EPHB1: variants seen among roughly 807,000 people sequenced by gnomAD.
The protein encoded by EPHB1 is EPH receptor B1, also known as ephrin type-B receptor 1.
In EPHB1, 30 loss-of-function variants were observed where a neutral mutation model predicts 94.4. That is an observed-to-expected ratio of 0.32 (90% CI 0.24 to 0.43). EPHB1 has a LOEUF of 0.43. Ranked by LOEUF, EPHB1 falls within the 20% of genes least tolerant of loss-of-function variation. The pLI, the probability that EPHB1 is intolerant of heterozygous loss-of-function variation, is 1.00. For synonymous variants in EPHB1, 522 were observed against 489.1 expected, an observed-to-expected ratio of 1.07 and a Z score of -0.89; for missense variants, 1,055 against 1,308.3, an observed-to-expected ratio of 0.81 and a Z score of 2.99.
chr3:135,030,653 C>T (rs555188368), intron 3 of EPHB1, among the ~76,000 whole-genome samples: 49 of 152,304 alleles, frequency 3.2e-4, no homozygotes, highest in Non-Finnish European at 5.3e-4. Context: ...CATTTAAGTC[C>T]GCAGAGGTTA....
chr3:134,994,741 G>A (rs1559786889), intron 3 of EPHB1, among the ~76,000 whole-genome samples: 1 of 152,056 alleles, frequency 6.6e-6, no homozygotes, highest in South Asian at 2.1e-4. Context: ...CTATATCTAA[G>A]CACTTTCTTT....
intron 12 of EPHB1, among the ~76,000 whole-genome samples, chr3:135,215,201 T>C (rs1429547675): frequency 1.3e-5 from 2 of 152,060 alleles, no homozygotes; most frequent in African/African-American, 4.8e-5. Flanking sequence ...TTTGCTCTTG[T>C]TGCCCAGGCT....
intron 11 of EPHB1, among the ~76,000 whole-genome samples, chr3:135,199,351 C>T (rs114032634): frequency 2.6e-4 from 39 of 152,304 alleles, no homozygotes; most frequent in African/African-American, 8.7e-4. Flanking sequence ...GTGCTAGCAA[C>T]AGCCTGCCTA....
intron 4 of EPHB1, among the ~76,000 whole-genome samples, chr3:135,115,571 A>ATT: frequency 6.7e-6 from 1 of 149,638 alleles, no homozygotes; most frequent in African/African-American, 2.5e-5. Flanking sequence ...TGCTGATTTG[A>ATT]TTTTTTTTTT....
chr3:134,983,692 A>G (rs1002387656), intron 3 of EPHB1, among the ~76,000 whole-genome samples: 1 of 152,214 alleles, frequency 6.6e-6, no homozygotes, highest in Non-Finnish European at 1.5e-5. Flanking sequence ...GGACCTCCAT[A>G]TCAGGACCTG....
rs146429528 is a variant in EPHB1 at position 134,808,872 on chromosome 3, A to G, written c.58+13183A>G. On this transcript the variant is annotated intron_variant, in intron 1 of 15. Coordinates refer to ENST00000398015, the MANE Select transcript of EPHB1 (RefSeq NM_004441.5). Reference sequence around the variant, plus strand: ...GGCATCTCAACTAGACTGAAAGAGGAGGGTTCCTATTTAGGGGCAAGATGA... The same window carrying G: ...GGCATCTCAACTAGACTGAAAGAGGGGGGTTCCTATTTAGGGGCAAGATGA... Among the ~76,000 whole-genome samples, 4 of 152,360 alleles carry G rather than the reference A, an allele frequency of 2.6e-5. No homozygotes were observed. The East Asian group carries it at 5.8e-4, about 22-fold the overall frequency.
At chr3:135,023,359 G>A (rs1025200132) in intron 3 of EPHB1, among the ~76,000 whole-genome samples, 1 of 152,108 alleles carries the variant, frequency 6.6e-6, no homozygotes, top group African/African-American at 2.4e-5. Flanking sequence ...ATAATTCTTT[G>A]TTGTGGGGAG....
At chr3:135,102,264 C>T (rs1939058729) in intron 3 of EPHB1, among the ~76,000 whole-genome samples, 1 of 152,194 alleles carries the variant, frequency 6.6e-6, no homozygotes, top group Non-Finnish European at 1.5e-5. Context: ...AGGGTCTCCA[C>T]CACTCTGCAC....
intron 3 of EPHB1, among the ~76,000 whole-genome samples, chr3:134,956,621 C>A (rs932867045): frequency 1.3e-5 from 2 of 152,022 alleles, no homozygotes; most frequent in African/African-American, 4.8e-5. Context: ...AAGATAGGGG[C>A]TGGTTTTAGT....
chr3:135,228,388 T>C (rs1501216), intron 12 of EPHB1, among the ~76,000 whole-genome samples: 152,201 of 152,226 alleles, frequency 1, 76,088 homozygotes, highest in Non-Finnish European at 1. Context: ...ACGTGATGTT[T>C]GCCTGTCCTT....
At chr3:135,056,821 C>G (rs1423809776) in intron 3 of EPHB1, among the ~76,000 whole-genome samples, 5 of 152,150 alleles carry the variant, frequency 3.3e-5, no homozygotes, top group African/African-American at 9.6e-5. Flanking sequence ...AGTAGGGACA[C>G]TTGTAAGCAG....
chr3:134,853,627 A>T (rs1469656376), intron 1 of EPHB1, among the ~76,000 whole-genome samples: 2 of 152,184 alleles, frequency 1.3e-5, no homozygotes, highest in Non-Finnish European at 2.9e-5. Flanking sequence ...GGATATATGG[A>T]TCTGGAGCTC....
chr3:135,180,566 C>G (rs1004955198), intron 10 of EPHB1, among the ~76,000 whole-genome samples: 1 of 152,178 alleles, frequency 6.6e-6, no homozygotes, highest in Admixed American at 6.5e-5. Context: ...ATTTCACTCT[C>G]AAGAAATGTG....
intron 10 of EPHB1, among the ~76,000 whole-genome samples, chr3:135,189,129 A>G (rs1354496652): frequency 6.6e-6 from 1 of 152,242 alleles, no homozygotes; most frequent in African/African-American, 2.4e-5. Context: ...AGTTTGATTC[A>G]TACTGTCCTA....
At chr3:135,003,659 C>T (rs28802677) in intron 3 of EPHB1, among the ~76,000 whole-genome samples, 7 of 152,082 alleles carry the variant, frequency 4.6e-5, no homozygotes, top group Admixed American at 1.3e-4. Flanking sequence ...TGGGTGCATA[C>T]ATATTTAGGA....
chr3:135,198,947 G>T (rs1266095670), intron 11 of EPHB1, among the ~76,000 whole-genome samples: 1 of 152,160 alleles, frequency 6.6e-6, no homozygotes, highest in Non-Finnish European at 1.5e-5. Flanking sequence ...CCAAAGCCTG[G>T]ACCTTTCCTC....
intron 2 of EPHB1, among the ~76,000 whole-genome samples, chr3:134,934,760 C>T (rs36164): frequency 0.049 from 7,390 of 152,136 alleles, 293 homozygotes; most frequent in African/African-American, 0.11. Context: ...CTGTATTAAA[C>T]AACTTTGGGA....
chr3:135,258,079 C>G (rs186185439), intron 15 of EPHB1, among the ~76,000 whole-genome samples: 2 of 152,094 alleles, frequency 1.3e-5, no homozygotes, highest in East Asian at 3.9e-4. Flanking sequence ...GGCTCGTGCA[C>G]GCACCCACTG....
Position 135,188,427 on chromosome 3 carries a change from C to T in EPHB1, c.1883-4149C>T, listed in dbSNP as rs111899905. ...GGAGAATTGCTTGAACCCGAAAGGCCGAGATTGCAGTGAGTCGAGATCACG... is the reference window on the plus strand; with the variant it reads ...GGAGAATTGCTTGAACCCGAAAGGCTGAGATTGCAGTGAGTCGAGATCACG... On this transcript the variant is annotated intron_variant, in intron 10 of 15. Transcript: ENST00000398015. 3.9e-5 allele frequency among the ~76,000 whole-genome samples: 6 copies of T among 151,946 alleles called. 1 individual carries two copies. The highest frequency in any genetic ancestry group is 1.2e-4 in the African/African-American group (5 of 41,432).
Sources: gnomAD v4.1 joint callset for allele counts (sites outside exome capture counted in the v4.1 genomes callset) on GRCh38, gnomAD v4.1.1 for gene constraint, MANE v1.5 for transcripts, NCBI Gene and HGNC (gene_info 2026-07-23, HGNC 2026-07-21) for gene names.